LRP1B: variants seen among roughly 807,000 people sequenced by gnomAD.
The protein encoded by LRP1B is low-density lipoprotein receptor-related protein 1B.
A neutral mutation model predicts 556.6 loss-of-function variants in LRP1B; 217 were observed. The observed-to-expected ratio is 0.39, with a 90% confidence interval of 0.35 to 0.44. The LOEUF is 0.44. Among genes scored for constraint, LRP1B ranks in the 20% least tolerant of loss-of-function variants. LRP1B has a pLI of 1.00. For missense variants in LRP1B, 5,053 were observed against 5,620.8 expected, an observed-to-expected ratio of 0.90 and a Z score of 3.23; for synonymous variants, 2,047 against 1,865.8, an observed-to-expected ratio of 1.10 and a Z score of -2.50.
chr2:141,363,157 A>G (rs1437979353), intron 3 of LRP1B, among the ~76,000 whole-genome samples: 1 of 152,150 alleles, frequency 6.6e-6, no homozygotes, highest in Non-Finnish European at 1.5e-5. Context: ...GATATATGAC[A>G]TACTTCTTTG....
intron 3 of LRP1B, among the ~76,000 whole-genome samples, chr2:141,302,026 T>C (rs929470718): frequency 6.6e-6 from 1 of 152,066 alleles, no homozygotes; most frequent in African/African-American, 2.4e-5. Flanking sequence ...AAAAATTATA[T>C]ATACATATAT....
Position 141,903,529 on chromosome 2 carries a change from A to C in LRP1B, c.83-93128T>G, listed in dbSNP as rs377617355. ...ATAGGAAAAATTAGAAAATACCAGC[A>C]AGAAAAGACAGTTAATATTTTAACA... is the stretch of plus-strand genomic sequence containing the variant. On this transcript the variant is annotated intron_variant, in intron 1 of 90. Transcript: ENST00000389484. 2.0e-5 allele frequency among the ~76,000 whole-genome samples: 3 copies of C among 152,096 alleles called. No individual in the cohort carries two copies. The East Asian group carries it at 5.8e-4, about 29-fold the overall frequency.
chr2:140,409,677 A>G (rs553654216), intron 66 of LRP1B, among the ~76,000 whole-genome samples: 91 of 152,156 alleles, frequency 6.0e-4, no homozygotes, highest in Non-Finnish European at 9.9e-4. Context: ...GATTCATGTA[A>G]TCTTCTCAGC....
chr2:140,503,861 A>C (rs1212425065), intron 53 of LRP1B, among the ~76,000 whole-genome samples: 1 of 152,082 alleles, frequency 6.6e-6, no homozygotes, highest in African/African-American at 2.4e-5. Context: ...TAAGATTTTT[A>C]TGGCTTAAGA....
chr2:140,475,793 T>C (rs1051019859), intron 59 of LRP1B, among the ~76,000 whole-genome samples: 1 of 151,880 alleles, frequency 6.6e-6, no homozygotes, highest in African/African-American at 2.4e-5. Flanking sequence ...TGGTATCCAC[T>C]AACCAATTAT....
At chr2:140,630,725 T>C (rs1470956736) in intron 41 of LRP1B, among the ~76,000 whole-genome samples, 1 of 152,134 alleles carries the variant, frequency 6.6e-6, no homozygotes, top group Non-Finnish European at 1.5e-5. Flanking sequence ...GTTTAAAAAA[T>C]AAACTCAGAA....
chr2:141,378,420 T>C (rs560736416), intron 3 of LRP1B, among the ~76,000 whole-genome samples: 93 of 152,228 alleles, frequency 6.1e-4, no homozygotes, highest in Admixed American at 2.0e-3. Context: ...AATTCTATAA[T>C]TAAAGAGCAC....
intron 7 of LRP1B, among the ~76,000 whole-genome samples, chr2:141,111,490 C>G (rs144596864): frequency 2.0e-5 from 3 of 152,062 alleles, no homozygotes; most frequent in Non-Finnish European, 4.4e-5. Flanking sequence ...AGGAAAGAGT[C>G]CCCAGAGAAC....
chr2:140,242,137 T>G (rs989232194), intron 87 of LRP1B, among the ~76,000 whole-genome samples: 7 of 151,056 alleles, frequency 4.6e-5, no homozygotes, highest in African/African-American at 1.7e-4. Flanking sequence ...TCAAATCTGT[T>G]TTACTATTCA....
At chr2:141,451,980 C>G (rs920416601) in intron 3 of LRP1B, among the ~76,000 whole-genome samples, 3 of 152,122 alleles carry the variant, frequency 2.0e-5, no homozygotes, top group African/African-American at 7.2e-5. Context: ...TTTCATTTAT[C>G]CCTTCAACAA....
chr2:140,267,770 A>T (rs1682276144), intron 86 of LRP1B, among the ~76,000 whole-genome samples: 1 of 151,992 alleles, frequency 6.6e-6, no homozygotes, highest in African/African-American at 2.4e-5. Context: ...AGGTACACAC[A>T]TTTCTAAAGA....
At chr2:141,398,662 A>G (rs1376193682) in intron 3 of LRP1B, among the ~76,000 whole-genome samples, 1 of 152,196 alleles carries the variant, frequency 6.6e-6, no homozygotes, top group Non-Finnish European at 1.5e-5. Flanking sequence ...GGCTGTTCAC[A>G]TATCTCTAAC....
At chr2:141,373,809 G>C in intron 3 of LRP1B, among the ~76,000 whole-genome samples, 1 of 151,776 alleles carries the variant, frequency 6.6e-6, no homozygotes, top group East Asian at 1.9e-4. Flanking sequence ...TCATATTATT[G>C]TTTTCAAGGT....
At chr2:141,003,779 C>T (rs10928088) in intron 15 of LRP1B, among the ~76,000 whole-genome samples, 84,149 of 151,792 alleles carry the variant, frequency 0.55, 23,692 homozygotes, top group Admixed American at 0.6. Context: ...ACCTTCCTTA[C>T]ACAGTTTTTG....
chr2:140,922,848 A>T, intron 21 of LRP1B, 117 bp downstream of exon 21: 1 of 790,182 alleles, frequency 1.3e-6, no homozygotes, highest in Non-Finnish European at 2.0e-6. Context: ...ATACATGAGC[A>T]CATCTGCCAA....
chr2:141,697,756 A>G (rs1363586942), intron 2 of LRP1B, among the ~76,000 whole-genome samples: 1 of 151,968 alleles, frequency 6.6e-6, no homozygotes, highest in African/African-American at 2.4e-5. Flanking sequence ...ATTTTCTTCT[A>G]TAAGAAACAA....
At chr2:141,477,995 G>T (rs1267549766) in intron 3 of LRP1B, among the ~76,000 whole-genome samples, 1 of 150,106 alleles carries the variant, frequency 6.7e-6, no homozygotes, top group Non-Finnish European at 1.5e-5. Flanking sequence ...TGTGATAAAA[G>T]AAAGAAAACT....
At chr2:141,878,601 C>T (rs1698847579) in intron 1 of LRP1B, among the ~76,000 whole-genome samples, 1 of 151,718 alleles carries the variant, frequency 6.6e-6, no homozygotes, top group Non-Finnish European at 1.5e-5. Flanking sequence ...GTAATATTTC[C>T]CCTTTTGAGG....
chr2:140,506,873 T>G lies in LRP1B; in HGVS notation c.8444A>C (p.Lys2815Thr). The change falls in exon 53 of 91, where the codon AAA becomes ACA. Residue 2815 changes from lysine (K) to threonine (T), a missense_variant. Transcript: ENST00000389484. ...AACAAATTGCTTGGGAATGCATACT[T>G]TATTATGGCACATGAAAGCATTTTC... Reference protein sequence around the residue: ...CDENAFMCHNKVCIPKQFVCD... With the variant: ...CDENAFMCHNTVCIPKQFVCD... 6.2e-7 allele frequency: 1 copy of G among 1,614,040 alleles called. No homozygotes were observed. The highest frequency in any genetic ancestry group is 2.2e-5 in the East Asian group (1 of 44,840).
Sources: allele counts gnomAD v4.1 joint callset (sites outside exome capture counted in the v4.1 genomes callset), GRCh38; gene constraint gnomAD v4.1.1; transcripts MANE v1.5; gene names NCBI Gene and HGNC (gene_info 2026-07-23, HGNC 2026-07-21).